Variants in BBS2 observed in about 807,000 individuals in gnomAD.
BBS2 encodes the protein Bardet-Biedl syndrome 2, also known as BBSome complex member BBS2.
Under a neutral mutation model 83.0 loss-of-function variants are expected in BBS2, and 62 were observed. The observed-to-expected ratio is 0.75, with a 90% CI of 0.61 to 0.92. The LOEUF is 0.92. BBS2 is among the 40% of genes least tolerant of loss of function. The probability of loss-of-function intolerance (pLI) is 0.00; values close to 1 mark genes in which losing one functional copy is unlikely to be tolerated. For missense variants in BBS2, 784 were observed against 901.0 expected, an observed-to-expected ratio of 0.87 and a Z score of 1.66; for synonymous variants, 303 against 326.1, an observed-to-expected ratio of 0.93 and a Z score of 0.76.
intron 15 of BBS2, among the ~76,000 whole-genome samples, chr16:56,489,988 A>C (rs1410707028): frequency 6.7e-6 from 1 of 149,998 alleles, no homozygotes; most frequent in Non-Finnish European, 1.5e-5. Flanking sequence ...ATGGTAGCAC[A>C]CGCCTGTAGT....
At chr16:56,474,451 A>T (rs893653032) in intron 17 of BBS2, among the ~76,000 whole-genome samples, 25 of 151,436 alleles carry the variant, frequency 1.7e-4, no homozygotes, top group African/African-American at 5.8e-4. Context: ...CCTCCCGGGT[A>T]GCTGGATTAC....
At chr16:56,510,808 C>T (rs1280978286) in intron 4 of BBS2, 51 bp downstream of exon 4, 1 of 1,598,408 alleles carries the variant, frequency 6.3e-7, no homozygotes, top group Admixed American at 1.7e-5. Flanking sequence ...ACTGTCATGG[C>T]AAAATTCATT....
At chr16:56,512,518 T>C (rs1217501882) in intron 2 of BBS2, among the ~76,000 whole-genome samples, 5 of 151,038 alleles carry the variant, frequency 3.3e-5, no homozygotes, top group South Asian at 2.1e-4. Flanking sequence ...CAATGGAATA[T>C]ACTATTTTTG....
At chr16:56,475,088 G>C in intron 17 of BBS2, 1 of 840,720 alleles carries the variant, frequency 1.2e-6, no homozygotes, top group Non-Finnish European at 1.8e-6. Flanking sequence ...CAAAGTCAAA[G>C]GGATTTTACG....
At chr16:56,510,076 A>T (rs757140279) in intron 4 of BBS2, 42 bp from the exon 5 acceptor site, 1 of 1,592,808 alleles carries the variant, frequency 6.3e-7, no homozygotes. Flanking sequence ...AGTAAGTGCA[A>T]ACAACAAAAT....
At chr16:56,505,757 C>A (rs1268956851) in intron 7 of BBS2, among the ~76,000 whole-genome samples, 193 bp downstream of exon 7, 1 of 152,216 alleles carries the variant, frequency 6.6e-6, no homozygotes, top group Non-Finnish European at 1.5e-5. Flanking sequence ...ATAAGACTTA[C>A]ACTCTCTCAC....
chr16:56,500,078 G>C, intron 11 of BBS2, 171 bp from the exon 12 acceptor site: 1 of 695,146 alleles, frequency 1.4e-6, no homozygotes, highest in Non-Finnish European at 2.4e-6. Flanking sequence ...TAATATATTA[G>C]GTTTGGGATT....
intron 17 of BBS2, chr16:56,476,211 C>T (rs1193612463): frequency 6.2e-7 from 1 of 1,602,614 alleles, no homozygotes; most frequent in Admixed American, 1.8e-5. Flanking sequence ...AATGACAGCA[C>T]TGGGCAAAGC....
At chr16:56,473,602 A>G (rs1298474533) in intron 17 of BBS2, among the ~76,000 whole-genome samples, 1 of 152,134 alleles carries the variant, frequency 6.6e-6, no homozygotes, top group Non-Finnish European at 1.5e-5. Flanking sequence ...GCAAACTGTT[A>G]TATTTTCTTT....
downstream of BBS2, chr16:56,484,199 G>C (rs1305304823): frequency 1.3e-5 from 2 of 153,456 alleles, no homozygotes; most frequent in African/African-American, 4.9e-5. Context: ...GTAGAGACGG[G>C]GTTTCACCGT....
In BBS2 at chr16:56,475,526, C is replaced by T. The variant is rs181095853; in HGVS notation, c.*1-4831G>A. The T allele has an allele frequency of 9.7e-4, 1,569 of 1,613,870 alleles. 15 individuals are homozygous for T. The highest frequency in any genetic ancestry group is 7.9e-3 in the South Asian group (718 of 91,076). On this transcript the variant is annotated intron_variant, in intron 17 of 17. Transcript: ENST00000682047. ...TGTAAGGCTGGGAGCCAGAATATGG[C>T]GGTTTTACTTCTTACATTGCCAAAG...
At chr16:56,516,591 T>C (rs1964755485) in intron 1 of BBS2, among the ~76,000 whole-genome samples, 1 of 152,026 alleles carries the variant, frequency 6.6e-6, no homozygotes, top group African/African-American at 2.4e-5. Flanking sequence ...GAGACAGGGT[T>C]TCAGTCGGCC....
intron 17 of BBS2, among the ~76,000 whole-genome samples, chr16:56,475,183 C>A (rs1245218400): frequency 6.6e-6 from 1 of 152,152 alleles, no homozygotes; most frequent in Non-Finnish European, 1.5e-5. Context: ...CATAATTTTC[C>A]CCTAAGTGTG....
intron 15 of BBS2, among the ~76,000 whole-genome samples, chr16:56,488,463 G>A (rs1269518068): frequency 6.6e-6 from 1 of 152,002 alleles, no homozygotes; most frequent in Admixed American, 6.6e-5. Flanking sequence ...AAACTTAATG[G>A]CATTTGCTAG....
chr16:56,476,140 G>T (rs1268100303), intron 17 of BBS2: 1 of 1,613,796 alleles, frequency 6.2e-7, no homozygotes, highest in Admixed American at 1.7e-5. Context: ...CCGAAGCCTG[G>T]AACAAAAGAA....
chr16:56,488,120 A>G (rs113696044), intron 15 of BBS2, among the ~76,000 whole-genome samples: 10 of 152,308 alleles, frequency 6.6e-5, no homozygotes, highest in African/African-American at 2.4e-4. Flanking sequence ...GGAAAAAAAC[A>G]AACTGTTCCT....
chr16:56,500,719 G>T, intron 11 of BBS2, 135 bp downstream of exon 11: 1 of 843,946 alleles, frequency 1.2e-6, no homozygotes, highest in South Asian at 1.7e-5. Flanking sequence ...AAAAGGTCAT[G>T]AGAAACTTTG....
At chr16:56,493,242 C>A (rs765535312) in intron 15 of BBS2, among the ~76,000 whole-genome samples, 7 of 151,842 alleles carry the variant, frequency 4.6e-5, no homozygotes, top group Non-Finnish European at 7.4e-5. Context: ...AAAAAATTAG[C>A]CGGGCTGGTG....
At chr16:56,509,923 C>A in intron 5 of BBS2, 34 bp downstream of exon 5, 1 of 1,606,954 alleles carries the variant, frequency 6.2e-7, no homozygotes, top group South Asian at 1.1e-5. Context: ...CTATCTTGCT[C>A]AAGGTTACCA....
Sources: gnomAD v4.1 joint callset for allele counts (sites outside exome capture counted in the v4.1 genomes callset) on GRCh38, gnomAD v4.1.1 for gene constraint, MANE v1.5 for transcripts, NCBI Gene and HGNC (gene_info 2026-07-23, HGNC 2026-07-21) for gene names.